The following CSMD1 variants were observed in gnomAD, a reference collection of about 807,000 sequenced individuals.
The protein encoded by CSMD1 is CUB and sushi domain-containing protein 1.
CSMD1 carries 213 observed loss-of-function variants against 417.5 expected under a neutral mutation model. That is an observed-to-expected ratio of 0.51 (90% CI 0.46 to 0.57). CSMD1 has a LOEUF of 0.57. CSMD1 is among the 20% of genes least tolerant of loss of function. The pLI is 0.00. For synonymous variants in CSMD1, 2,862 were observed against 1,736.8 expected, an observed-to-expected ratio of 1.65 and a Z score of -16.11; for missense variants, 6,923 against 4,529.7, an observed-to-expected ratio of 1.53 and a Z score of -15.17.
chr8:4,425,690 G>A (rs1349849856), intron 2 of CSMD1, among the ~76,000 whole-genome samples: 1 of 151,994 alleles, frequency 6.6e-6, no homozygotes, highest in Non-Finnish European at 1.5e-5. Flanking sequence ...TAAGCAACTG[G>A]CTTATTTTCA....
At chr8:3,991,636 G>A (rs1398040897) in intron 5 of CSMD1, among the ~76,000 whole-genome samples, 3 of 152,152 alleles carry the variant, frequency 2.0e-5, no homozygotes, top group African/African-American at 4.8e-5. Flanking sequence ...AGAAGTGGAG[G>A]GCACTTTCTT....
At chr8:3,398,974 T>A (rs1160086188) in intron 16 of CSMD1, among the ~76,000 whole-genome samples, 1 of 152,182 alleles carries the variant, frequency 6.6e-6, no homozygotes, top group Non-Finnish European at 1.5e-5. Context: ...CATCACTAGC[T>A]GCCCTCGAGT....
intron 41 of CSMD1, among the ~76,000 whole-genome samples, chr8:3,122,125 A>C (rs879564517): frequency 3.3e-5 from 5 of 152,150 alleles, no homozygotes; most frequent in Admixed American, 6.5e-5. Flanking sequence ...ACTCAGTGCT[A>C]TCTTTTGAGA....
intron 3 of CSMD1, among the ~76,000 whole-genome samples, chr8:4,400,399 G>A (rs191487494): frequency 6.6e-5 from 10 of 152,292 alleles, no homozygotes; most frequent in East Asian, 1.9e-4. Context: ...TGTGTTTGCC[G>A]TTCCAGGAGC....
intron 2 of CSMD1, among the ~76,000 whole-genome samples, chr8:4,612,073 T>C (rs975637898): frequency 6.6e-6 from 1 of 152,072 alleles, no homozygotes; most frequent in East Asian, 1.9e-4. Flanking sequence ...GAGGTGAGGA[T>C]AGAAGAGTGC....
intron 1 of CSMD1, among the ~76,000 whole-genome samples, chr8:4,818,384 G>C (rs528817236): frequency 2.6e-5 from 4 of 152,258 alleles, no homozygotes; most frequent in Middle Eastern, 3.4e-3. Flanking sequence ...GCCATGGAAA[G>C]CTCCCCTTGA....
intron 5 of CSMD1, among the ~76,000 whole-genome samples, chr8:3,891,037 TG>T (rs1244710689): frequency 4.6e-5 from 7 of 151,484 alleles, no homozygotes; most frequent in South Asian, 2.1e-4. Context: ...GCAGCTTTTT[TG>T]TTTTTTTTTT....
intron 5 of CSMD1, among the ~76,000 whole-genome samples, chr8:3,921,761 G>T (rs78440937): frequency 3.9e-5 from 6 of 152,122 alleles, no homozygotes; most frequent in Non-Finnish European, 7.4e-5. Flanking sequence ...AAATATGAGT[G>T]CAATCTTCTT....
intron 7 of CSMD1, among the ~76,000 whole-genome samples, chr8:3,663,826 G>C (rs977997120): frequency 2.0e-5 from 3 of 152,048 alleles, no homozygotes; most frequent in Non-Finnish European, 4.4e-5. Context: ...ACTATACTCT[G>C]ACCACCGGGG....
At chr8:3,158,230 C>T (rs186066915) in intron 38 of CSMD1, among the ~76,000 whole-genome samples, 2 of 152,258 alleles carry the variant, frequency 1.3e-5, no homozygotes, top group African/African-American at 4.8e-5. Context: ...TAATTCGACT[C>T]AGCTCCTTTC....
At position 2,966,598 on chromosome 8, in the gene CSMD1, G is replaced by A. The variant is rs771346421; in HGVS notation, c.9072C>T (p.Thr3024=). Residue 3024 remains threonine (T), a synonymous_variant, in exon 58 of 70, where the codon ACC becomes ACT. Transcript: ENST00000635120. ...LMTRHCTANG[T]WTGTAPDCTI... ...TGCAGTCGGGAGCAGTGCCTGTCCA[G>A]GTCCCATTGGCTGTGCAATGCCGTG... is the stretch of plus-strand genomic sequence containing the variant. 5 of 1,613,658 alleles carry A rather than the reference G, an allele frequency of 3.1e-6. No homozygotes were observed. The highest frequency in any genetic ancestry group is 1.6e-4 in the Middle Eastern group (1 of 6,084).
At chr8:4,478,403 C>G (rs1194866159) in intron 2 of CSMD1, among the ~76,000 whole-genome samples, 2 of 152,076 alleles carry the variant, frequency 1.3e-5, no homozygotes, top group Non-Finnish European at 2.9e-5. Flanking sequence ...TATTGAAATA[C>G]TTTGTAAAGT....
At chr8:3,747,190 T>C (rs1418020339) in intron 6 of CSMD1, among the ~76,000 whole-genome samples, 3 of 152,190 alleles carry the variant, frequency 2.0e-5, no homozygotes, top group Non-Finnish European at 4.4e-5. Flanking sequence ...GCAAGCTGTA[T>C]GACGAGAGCC....
At chr8:4,567,138 A>C (rs1040748317) in intron 2 of CSMD1, among the ~76,000 whole-genome samples, 2 of 152,162 alleles carry the variant, frequency 1.3e-5, no homozygotes, top group African/African-American at 4.8e-5. Context: ...TCACAGCCCT[A>C]CTCAGAGTAT....
intron 5 of CSMD1, among the ~76,000 whole-genome samples, chr8:3,792,330 T>A (rs1227756876): frequency 2.0e-5 from 3 of 152,202 alleles, no homozygotes; most frequent in South Asian, 2.1e-4. Flanking sequence ...GAGATAATAA[T>A]AATAAAATCA....
At chr8:4,850,382 C>CTT in intron 1 of CSMD1, among the ~76,000 whole-genome samples, 2,293 of 77,818 alleles carry the variant, frequency 0.029, 46 homozygotes, top group African/African-American at 0.037. Flanking sequence ...TCCAATTTAT[C>CTT]TTTTTTTTTT....
At chr8:3,568,574 G>A (rs1161283638) in intron 10 of CSMD1, among the ~76,000 whole-genome samples, 3 of 152,204 alleles carry the variant, frequency 2.0e-5, no homozygotes, top group Admixed American at 6.5e-5. Flanking sequence ...ACCACAGAAT[G>A]TATTTAAAAT....
intron 5 of CSMD1, among the ~76,000 whole-genome samples, chr8:3,867,197 T>C (rs949921973): frequency 7.2e-5 from 11 of 152,140 alleles, no homozygotes; most frequent in African/African-American, 7.2e-5. Flanking sequence ...ATTGTATATA[T>C]AGACAAAAGA....
chr8:4,220,462 C>A (rs1056792495), intron 3 of CSMD1, among the ~76,000 whole-genome samples: 2 of 152,142 alleles, frequency 1.3e-5, no homozygotes, highest in Non-Finnish European at 2.9e-5. Context: ...AGTGAGAAGA[C>A]CTCATGCATT....
Sources: allele counts gnomAD v4.1 joint callset (sites outside exome capture counted in the v4.1 genomes callset), GRCh38; gene constraint gnomAD v4.1.1; transcripts MANE v1.5; gene names NCBI Gene and HGNC (gene_info 2026-07-23, HGNC 2026-07-21).